Variants in EARS2 observed in about 807,000 individuals in gnomAD.
EARS2 encodes the protein nondiscriminating glutamyl-tRNA synthetase EARS2, mitochondrial.
EARS2 carries 50 observed loss-of-function variants against 54.1 expected under a neutral mutation model. The observed-to-expected ratio is 0.92, with a 90% CI of 0.74 to 1.17. The LOEUF is 1.17. EARS2 is among the 50% of genes most tolerant of loss of function. EARS2 has a pLI of 0.00. For missense variants in EARS2, 673 were observed against 675.0 expected, an observed-to-expected ratio of 1.00 and a Z score of 0.03; for synonymous variants, 298 against 281.0, an observed-to-expected ratio of 1.06 and a Z score of -0.61.
chr16:23,544,155 T>C (rs1965561866), intron 3 of EARS2, among the ~76,000 whole-genome samples: 1 of 152,172 alleles, frequency 6.6e-6, no homozygotes, highest in Admixed American at 6.5e-5. Context: ...TGGCTGGCTT[T>C]GAGAAATGCT....
chr16:23,522,191 G>C lies in EARS2; in HGVS notation c.*2180C>G, dbSNP rs1299320880. 4.9e-6 allele frequency: 1 copy of C among 202,866 alleles called. No homozygotes were observed. Among genetic ancestry groups the C allele is most frequent in the Non-Finnish European group, 1.0e-5 (1 of 96,282 alleles). The allele number at this position is 202,866 out of a possible 1,614,324, so 12.6% of individuals were successfully genotyped here. ...GCCATTACATCATCTTCTGGAGAAA[G>C]CTCCCTAGTTTTCCTTGAGAACAAC... On this transcript the variant is annotated 3_prime_UTR_variant, in exon 9 of 9. Transcript: ENST00000449606.
intron 3 of EARS2, among the ~76,000 whole-genome samples, chr16:23,536,901 T>G (rs1450965539): frequency 6.6e-6 from 1 of 151,926 alleles, no homozygotes; most frequent in African/African-American, 2.4e-5. Context: ...CAGGCTGGTC[T>G]CGAACTCCTG....
chr16:23,547,537 G>A (rs144485501), intron 2 of EARS2, among the ~76,000 whole-genome samples: 1 of 152,006 alleles, frequency 6.6e-6, no homozygotes, highest in Non-Finnish European at 1.5e-5. Context: ...ACAGAGTCTA[G>A]CTCTGTCACC....
intron 7 of EARS2, among the ~76,000 whole-genome samples, chr16:23,527,118 A>G (rs1265288370): frequency 6.6e-6 from 1 of 152,014 alleles, no homozygotes; most frequent in Non-Finnish European, 1.5e-5. Context: ...ACCCACCACG[A>G]TGCCTGGCTA....
chr16:23,531,455 G>A (rs906629873), intron 5 of EARS2, among the ~76,000 whole-genome samples: 10 of 152,032 alleles, frequency 6.6e-5, no homozygotes, highest in Non-Finnish European at 1.5e-4. Flanking sequence ...TAGAGACGGG[G>A]TTTCACTGTG....
intron 2 of EARS2, chr16:23,546,574 G>A (rs899479835): frequency 3.1e-5 from 12 of 387,032 alleles, no homozygotes; most frequent in African/African-American, 2.3e-4. Flanking sequence ...TTATTTATTT[G>A]AGACAGGGTC....
chr16:23,542,853 G>A (rs763361894), intron 3 of EARS2, among the ~76,000 whole-genome samples: 2 of 151,220 alleles, frequency 1.3e-5, no homozygotes, highest in Non-Finnish European at 2.9e-5. Flanking sequence ...AGTGGTTCAC[G>A]CCTGTAATCC....
intron 5 of EARS2, among the ~76,000 whole-genome samples, chr16:23,531,735 G>A (rs117107527): frequency 6.6e-6 from 1 of 152,358 alleles, no homozygotes; most frequent in East Asian, 1.9e-4. Context: ...CACTGATACT[G>A]TGTCCCCAAA....
intron 3 of EARS2, among the ~76,000 whole-genome samples, chr16:23,543,824 C>CA (rs1236691676): frequency 1.3e-5 from 2 of 151,580 alleles, no homozygotes; most frequent in African/African-American, 2.4e-5. Context: ...CACCCAAACA[C>CA]ATGTGACAGG....
chr16:23,530,946 C>A (rs950308621), intron 5 of EARS2, among the ~76,000 whole-genome samples: 2 of 151,494 alleles, frequency 1.3e-5, no homozygotes, highest in African/African-American at 2.4e-5. Flanking sequence ...GGCTGGAGTG[C>A]AATGGTGTGA....
chr16:23,532,835 T>G, intron 4 of EARS2, 70 bp from the exon 5 acceptor site: 1 of 1,131,422 alleles, frequency 8.8e-7, no homozygotes, highest in South Asian at 1.4e-5. Flanking sequence ...TCTCTTTTTT[T>G]TAAGAGACAG....
chr16:23,524,778 C>G (rs1443922796), intron 8 of EARS2, among the ~76,000 whole-genome samples: 2 of 151,848 alleles, frequency 1.3e-5, no homozygotes, highest in Admixed American at 6.6e-5. Context: ...TCCCAAGTAG[C>G]TGGGATTACA....
Position 23,544,654 on chromosome 16 carries a change from G to A in EARS2, c.345C>T (p.Tyr115=). The A allele has an allele frequency of 6.2e-7, 1 of 1,611,028 alleles. No homozygotes were observed. The highest frequency in any genetic ancestry group is 8.5e-7 in the Non-Finnish European group (1 of 1,179,186). The change falls in exon 3 of 9, where the codon TAC becomes TAT. Residue 115 remains tyrosine, a synonymous_variant. Transcript: ENST00000449606. ...ACAGCTCCAACCGCTGAGATTGCTGGTAGGGCCCAGCAGGACCGCCCCGGC... is the reference window on the plus strand; with the variant it reads ...ACAGCTCCAACCGCTGAGATTGCTGATAGGGCCCAGCAGGACCGCCCCGGC... ...SPRRGGPAGP[Y]QQSQRLELYA...
chr16:23,551,492 T>C (rs1374070154), intron 2 of EARS2, among the ~76,000 whole-genome samples: 2 of 152,080 alleles, frequency 1.3e-5, no homozygotes, highest in Admixed American at 1.3e-4. Context: ...GGTGCGTGCC[T>C]GTAGTCCCAA....
At position 23,523,817 on chromosome 16, in the gene EARS2, G is replaced by A. The variant is rs999784107; in HGVS notation, c.*554C>T. 8 of 73,572 alleles carry A rather than the reference G, an allele frequency of 1.1e-4. No homozygotes were observed. In the South Asian group the frequency reaches 2.0e-3, roughly 19 times the overall value. The allele number at this position is 73,572 out of a possible 1,614,324, so 4.6% of individuals were successfully genotyped here. ...CAACTGGTGTTCTTAGAAGAGGAAC[G>A]TTGGGCACATAATGAAACTTAGAGA... On this transcript the variant is annotated 3_prime_UTR_variant, in exon 9 of 9. Coordinates refer to ENST00000449606, the MANE Select transcript of EARS2 (RefSeq NM_001083614.2).
intron 7 of EARS2, among the ~76,000 whole-genome samples, chr16:23,528,044 C>A (rs376101565): frequency 1.3e-5 from 2 of 152,128 alleles, no homozygotes; most frequent in Non-Finnish European, 2.9e-5. Flanking sequence ...GAGAGTCCCT[C>A]GTCCCTCCAC....
chr16:23,547,177 T>C (rs1349459297), intron 2 of EARS2, among the ~76,000 whole-genome samples: 2 of 152,224 alleles, frequency 1.3e-5, no homozygotes, highest in Admixed American at 1.3e-4. Context: ...TGAATATTAT[T>C]TGGCTATAAA....
rs2234424 is a variant in EARS2 at position 23,557,144 on chromosome 16, T to C, written c.139+61A>G. On this transcript the variant is annotated intron_variant, in intron 1 of 8. Transcript: ENST00000449606. ...ACCGGAAAGGATTCATTCGGGAACATTCGTGGGGCGGAGACGGGACAGGGG... is the reference window on the plus strand; with the variant it reads ...ACCGGAAAGGATTCATTCGGGAACACTCGTGGGGCGGAGACGGGACAGGGG... 336 of 1,493,728 alleles carry C rather than the reference T, an allele frequency of 2.2e-4. No individual in the cohort carries two copies. The African/African-American group carries it at 4.4e-3, about 20-fold the overall frequency. The allele number at this position is 1,493,728 out of a possible 1,614,324, so 92.5% of individuals were successfully genotyped here.
intron 3 of EARS2, among the ~76,000 whole-genome samples, chr16:23,538,491 T>C (rs1965461404): frequency 6.6e-6 from 1 of 152,234 alleles, no homozygotes; most frequent in Admixed American, 6.5e-5. Flanking sequence ...CTAAATGTTG[T>C]TCTCCAAGCT....
Sources: allele counts gnomAD v4.1 joint callset (sites outside exome capture counted in the v4.1 genomes callset), GRCh38; gene constraint gnomAD v4.1.1; transcripts MANE v1.5; gene names NCBI Gene and HGNC (gene_info 2026-07-23, HGNC 2026-07-21).